LRRC7: variants seen among roughly 807,000 people sequenced by gnomAD.
The protein encoded by LRRC7 is leucine-rich repeat-containing protein 7.
LRRC7 carries 23 observed loss-of-function variants against 175.7 expected under a neutral mutation model. The ratio of observed to expected loss-of-function variants is 0.13; its 90% CI spans 0.09 to 0.19. The LOEUF (loss-of-function observed/expected upper bound fraction) is 0.19, where lower values mean the gene tolerates loss of function less well. Among genes scored for constraint, LRRC7 ranks in the 10% least tolerant of loss-of-function variants. The pLI is 1.00. For synonymous variants in LRRC7, 685 were observed against 680.9 expected (o/e 1.01, Z -0.09); for missense variants, 1,354 against 1,904.7 (o/e 0.71, Z 5.38).
intron 20 of LRRC7, 47 bp downstream of exon 20, chr1:70,036,671 C>T (rs771918143): frequency 2.0e-6 from 3 of 1,537,470 alleles, no homozygotes; most frequent in Non-Finnish European, 2.6e-6. Context: ...TTATTTTCAG[C>T]AACTTTTTAA....
chr1:69,580,447 A>G lies in LRRC7; in HGVS notation c.2+11806A>G, dbSNP rs201657041. 3.7e-4 allele frequency among the ~76,000 whole-genome samples: 56 copies of G among 152,244 alleles called. No individual in the cohort carries two copies. The East Asian group carries it at 7.1e-3, about 19-fold the overall frequency. On this transcript the variant is annotated intron_variant, in intron 1 of 26. Coordinates refer to ENST00000651989, the MANE Select transcript of LRRC7 (RefSeq NM_001370785.2). ...AAGCACTTTGACTTTCTCAGTTGGT[A>G]ATTTTGTGCACAAGTATATTTTAAT...
chr1:69,928,787 C>T (rs567255300), intron 7 of LRRC7, among the ~76,000 whole-genome samples: 10 of 152,348 alleles, frequency 6.6e-5, no homozygotes, highest in South Asian at 6.2e-4. Flanking sequence ...CGCCCTGCTT[C>T]GGCTCGTGCA....
rs959696154 is a variant in LRRC7 at position 69,568,258 on chromosome 1, G to C, written c.-382G>C. The C allele has an allele frequency of 1.4e-5, 3 of 208,310 alleles. No homozygotes were observed. Among genetic ancestry groups the C allele is most frequent in the African/African-American group, 4.8e-5 (2 of 41,740 alleles). The allele number at this position is 208,310 out of a possible 1,614,324, so 12.9% of individuals were successfully genotyped here. On this transcript the variant is annotated 5_prime_UTR_variant, in exon 1 of 27. Transcript: ENST00000651989. ...TGTCTGTGGAGCCTTCTGGGGGCGG[G>C]GAGGGAGCTGCGCCTCCGCCACCGC... is the stretch of plus-strand genomic sequence containing the variant.
chr1:70,052,942 C>A, intron 22 of LRRC7, 84 bp from the exon 23 acceptor site: 1 of 1,356,914 alleles, frequency 7.4e-7, no homozygotes, highest in South Asian at 1.8e-5. Context: ...ATTAATTTTA[C>A]CATGATCATT....
In LRRC7 at chr1:69,850,441, T is replaced by C. The variant is rs943693739; in HGVS notation, c.647+12158T>C. 4.6e-5 allele frequency among the ~76,000 whole-genome samples: 7 copies of C among 152,080 alleles called. 1 individual carries two copies. The highest frequency in any genetic ancestry group is 3.3e-4 in the Admixed American group (5 of 15,222). ...GCAAAGGAAACATGTGATTTGATCT[T>C]AGCTTTACAATGAACAGTCTGACTT... On this transcript the variant is annotated intron_variant, in intron 7 of 26. Transcript: ENST00000651989.
At chr1:69,600,558 T>C (rs995285895) in intron 1 of LRRC7, among the ~76,000 whole-genome samples, 6 of 152,164 alleles carry the variant, frequency 3.9e-5, no homozygotes, top group African/African-American at 1.4e-4. Context: ...GACTCATTGA[T>C]GTTGACTTTA....
At chr1:70,043,628 C>G (rs1437992577) in intron 21 of LRRC7, among the ~76,000 whole-genome samples, 1 of 152,204 alleles carries the variant, frequency 6.6e-6, no homozygotes, top group African/African-American at 2.4e-5. Flanking sequence ...AATGAATAGA[C>G]TACCACAGAC....
At chr1:69,759,579 T>G (rs984182025) in intron 2 of LRRC7, among the ~76,000 whole-genome samples, 8 of 152,004 alleles carry the variant, frequency 5.3e-5, no homozygotes, top group Non-Finnish European at 1.0e-4. Flanking sequence ...ACCAATCCAA[T>G]TATAATCTGT....
chr1:69,615,698 A>C (rs568353663), intron 1 of LRRC7, among the ~76,000 whole-genome samples: 12 of 152,214 alleles, frequency 7.9e-5, no homozygotes, highest in African/African-American at 2.9e-4. Flanking sequence ...AAAGGAAGAA[A>C]TTTGAGAAGA....
intron 7 of LRRC7, among the ~76,000 whole-genome samples, chr1:69,842,150 C>A (rs941273136): frequency 2.0e-5 from 3 of 151,818 alleles, no homozygotes; most frequent in Non-Finnish European, 2.9e-5. Flanking sequence ...CATCAAGAAA[C>A]AAAATATATG....
intron 24 of LRRC7, among the ~76,000 whole-genome samples, chr1:70,078,824 GCACACACACACACA>G (rs769239262): frequency 1.5e-5 from 2 of 130,792 alleles, no homozygotes; most frequent in Non-Finnish European, 3.2e-5. Context: ...ACACACACAC[GCACACACACACACA>G]CACACACACA....
At chr1:70,039,826 T>A (rs1659707011) in intron 21 of LRRC7, 33 bp downstream of exon 21, 1 of 1,536,058 alleles carries the variant, frequency 6.5e-7, no homozygotes, top group African/African-American at 1.4e-5. Context: ...AGAATATCCC[T>A]CCTGCCTTTA....
intron 1 of LRRC7, among the ~76,000 whole-genome samples, chr1:69,622,608 T>C (rs1416431209): frequency 2.0e-5 from 3 of 152,158 alleles, no homozygotes; most frequent in East Asian, 1.9e-4. Context: ...CCTGAGGTAA[T>C]GTTGAGAATT....
chr1:69,986,291 G>A lies in LRRC7; in HGVS notation c.836G>A (p.Arg279Lys). 4 of 1,613,424 alleles carry A rather than the reference G, an allele frequency of 2.5e-6. No individual in the cohort carries two copies. The highest frequency in any genetic ancestry group is 3.4e-6 in the Non-Finnish European group (4 of 1,179,594). The change falls in exon 10 of 27, where the codon AGA becomes AAA. Residue 279 changes from arginine (R) to lysine (K), a missense_variant. By Grantham distance (26) the Arg-to-Lys change is conservative. Transcript: ENST00000651989. ...MLVYLDMSKN[R>K]IETVDMDISG... ...GTATACCTGGATATGTCAAAAAACA[G>A]AATAGAAACAGTTGACATGGACATT...
chr1:69,951,422 G>A (rs1649913400), intron 8 of LRRC7, among the ~76,000 whole-genome samples: 2 of 151,940 alleles, frequency 1.3e-5, no homozygotes, highest in South Asian at 2.1e-4. Context: ...ATTCAATCCA[G>A]CAATCCCACT....
At chr1:69,767,539 C>T (rs558785807) in intron 3 of LRRC7, among the ~76,000 whole-genome samples, 190 of 152,272 alleles carry the variant, frequency 1.2e-3, no homozygotes, top group South Asian at 5.4e-3. Context: ...TTACTGCACT[C>T]TCAAACTCCT....
chr1:69,622,696 G>T lies in LRRC7; in HGVS notation c.2+54055G>T, dbSNP rs77028961. ...GAAGAACAATAAGGAATTTTTATGG[G>T]ACTCAAGGTCTCAGGAGAAGTAACA... On this transcript the variant is annotated intron_variant, in intron 1 of 26. Coordinates refer to ENST00000651989, the MANE Select transcript of LRRC7 (RefSeq NM_001370785.2). Among the ~76,000 whole-genome samples the T allele has an allele frequency of 5.0e-3, 756 of 152,266 alleles. 28 individuals carry two copies. In the East Asian group the frequency reaches 0.098, roughly 20 times the overall value.
intron 2 of LRRC7, among the ~76,000 whole-genome samples, chr1:69,719,338 G>C (rs1156735505): frequency 6.6e-6 from 1 of 151,628 alleles, no homozygotes; most frequent in Non-Finnish European, 1.5e-5. Flanking sequence ...ATGAAAGAAT[G>C]AATCAGTTCT....
intron 1 of LRRC7, among the ~76,000 whole-genome samples, chr1:69,627,890 T>C (rs1434175755): frequency 7.5e-6 from 1 of 133,252 alleles, no homozygotes; most frequent in African/African-American, 2.6e-5. Context: ...CCTTTTGCTC[T>C]AAAAGCTTAA....
Sources: allele counts gnomAD v4.1 joint callset (sites outside exome capture counted in the v4.1 genomes callset), GRCh38; gene constraint gnomAD v4.1.1; transcripts MANE v1.5; gene names NCBI Gene and HGNC (gene_info 2026-07-23, HGNC 2026-07-21).